Variants in STK32B observed in about 807,000 individuals in gnomAD.
STK32B encodes serine/threonine-protein kinase 32B.
A neutral mutation model predicts 52.6 loss-of-function variants in STK32B; 43 were observed. That is an observed-to-expected ratio of 0.82 (90% CI 0.64 to 1.05). STK32B has a LOEUF of 1.05. STK32B is among the 50% of genes least tolerant of loss of function. The probability of loss-of-function intolerance (pLI) is 0.00; values close to 1 mark genes in which losing one functional copy is unlikely to be tolerated. For synonymous variants in STK32B, 238 were observed against 204.3 expected (o/e 1.17, Z -1.41); for missense variants, 621 against 534.6 (o/e 1.16, Z -1.59).
At chr4:5,053,025 C>T (rs895880325) in intron 1 of STK32B, among the ~76,000 whole-genome samples, 2 of 152,192 alleles carry the variant, frequency 1.3e-5, no homozygotes, top group African/African-American at 2.4e-5. Flanking sequence ...GTCATCATTA[C>T]CCAGGGCACT....
chr4:5,204,435 T>G (rs945370723), intron 3 of STK32B, among the ~76,000 whole-genome samples: 1 of 125,206 alleles, frequency 8.0e-6, no homozygotes, highest in Non-Finnish European at 1.8e-5. Flanking sequence ...AGGTTTTTTT[T>G]GTTTGTTTTT....
intron 1 of STK32B, among the ~76,000 whole-genome samples, chr4:5,099,432 C>G (rs1477593157): frequency 1.4e-5 from 2 of 138,758 alleles, no homozygotes; most frequent in Non-Finnish European, 3.2e-5. Context: ...CTGCAGTCCT[C>G]TGTGTGTGTG....
At chr4:5,441,527 T>A (rs201778579) in intron 6 of STK32B, among the ~76,000 whole-genome samples, 9,418 of 144,362 alleles carry the variant, frequency 0.065, 456 homozygotes, top group East Asian at 0.3. Context: ...GCAGTCTATC[T>A]ATTTTGTTGA....
chr4:5,123,803 T>A (rs1025350902), intron 1 of STK32B, among the ~76,000 whole-genome samples: 3 of 151,722 alleles, frequency 2.0e-5, no homozygotes, highest in African/African-American at 7.3e-5. Flanking sequence ...ATTCAGCACA[T>A]GAGTTTTGGG....
At chr4:5,094,011 C>T (rs1444419153) in intron 1 of STK32B, among the ~76,000 whole-genome samples, 1 of 152,138 alleles carries the variant, frequency 6.6e-6, no homozygotes, top group Non-Finnish European at 1.5e-5. Flanking sequence ...AAAATGAATC[C>T]ACGATAAAGA....
chr4:5,136,734 A>G (rs1413906202), intron 1 of STK32B, among the ~76,000 whole-genome samples: 2 of 152,182 alleles, frequency 1.3e-5, no homozygotes, highest in Non-Finnish European at 2.9e-5. Flanking sequence ...ATTTTCATTG[A>G]CTGAAGCCAT....
chr4:5,091,865 G>T (rs1713096493), intron 1 of STK32B, among the ~76,000 whole-genome samples: 1 of 152,294 alleles, frequency 6.6e-6, no homozygotes, highest in South Asian at 2.1e-4. Context: ...ATATTTTTGA[G>T]CCATAAGAGG....
intron 11 of STK32B, among the ~76,000 whole-genome samples, chr4:5,493,404 T>G (rs1320150191): frequency 1.3e-5 from 2 of 152,204 alleles, no homozygotes; most frequent in Admixed American, 6.5e-5. Context: ...TAGTTTGTAT[T>G]TCTGTGGGAT....
At chr4:5,173,387 T>G (rs1719556994) in intron 3 of STK32B, among the ~76,000 whole-genome samples, 1 of 152,120 alleles carries the variant, frequency 6.6e-6, no homozygotes, top group Admixed American at 6.6e-5. Flanking sequence ...TTCTTTTAAT[T>G]GTGATGTTAG....
At chr4:5,397,073 C>T (rs370844032) in intron 4 of STK32B, among the ~76,000 whole-genome samples, 10 of 152,156 alleles carry the variant, frequency 6.6e-5, no homozygotes, top group Non-Finnish European at 1.3e-4. Context: ...TCCCCAAACC[C>T]GTAGATATTG....
chr4:5,253,309 C>T (rs1485411287), intron 3 of STK32B, among the ~76,000 whole-genome samples: 1 of 152,084 alleles, frequency 6.6e-6, no homozygotes, highest in African/African-American at 2.4e-5. Context: ...AGGTGTTGTT[C>T]TTGGGCAAAG....
intron 3 of STK32B, among the ~76,000 whole-genome samples, chr4:5,212,168 C>G (rs981753306): frequency 3.3e-5 from 5 of 152,130 alleles, no homozygotes; most frequent in African/African-American, 9.7e-5. Flanking sequence ...ATGTTTTATA[C>G]AGGCCATCAT....
chr4:5,422,561 G>A (rs1217877189), intron 6 of STK32B, among the ~76,000 whole-genome samples: 4 of 152,214 alleles, frequency 2.6e-5, no homozygotes, highest in South Asian at 2.1e-4. Context: ...TTAGAAGTCA[G>A]AATGTTCCAG....
intron 3 of STK32B, among the ~76,000 whole-genome samples, chr4:5,241,677 T>C (rs1459214363): frequency 6.6e-6 from 1 of 152,144 alleles, no homozygotes; most frequent in Non-Finnish European, 1.5e-5. Flanking sequence ...CTGCACCCAT[T>C]AACTCATCAT....
intron 6 of STK32B, among the ~76,000 whole-genome samples, chr4:5,428,041 ATTTTG>A (rs1159122963): frequency 1.3e-5 from 2 of 152,064 alleles, no homozygotes; most frequent in East Asian, 1.9e-4. Context: ...AATGCTATAA[ATTTTG>A]TTTTAAGTCC....
At chr4:5,457,562 G>C (rs1716661641) in intron 8 of STK32B, among the ~76,000 whole-genome samples, 1 of 151,088 alleles carries the variant, frequency 6.6e-6, no homozygotes, top group Non-Finnish European at 1.5e-5. Context: ...TTCACTCAAT[G>C]ACCTTTAAGA....
chr4:5,158,485 G>GTTTA (rs1718043119), intron 2 of STK32B, among the ~76,000 whole-genome samples: 1 of 152,112 alleles, frequency 6.6e-6, no homozygotes, highest in African/African-American at 2.4e-5. Flanking sequence ...CACGTTGTTT[G>GTTTA]TTTATTCCTT....
chr4:5,276,126 TAAA>T (rs914476073), intron 3 of STK32B, among the ~76,000 whole-genome samples: 21 of 151,912 alleles, frequency 1.4e-4, no homozygotes, highest in African/African-American at 4.8e-4. Context: ...CCATCTCTAC[TAAA>T]AACACAAAAA....
At chr4:5,298,374 G>A (rs1261872252) in intron 3 of STK32B, among the ~76,000 whole-genome samples, 1 of 152,196 alleles carries the variant, frequency 6.6e-6, no homozygotes, top group African/African-American at 2.4e-5. Flanking sequence ...GTCTGCTGAA[G>A]TTGCGCCCAT....
Sources: gnomAD v4.1 joint callset for allele counts (sites outside exome capture counted in the v4.1 genomes callset) on GRCh38, gnomAD v4.1.1 for gene constraint, MANE v1.5 for transcripts, NCBI Gene and HGNC (gene_info 2026-07-23, HGNC 2026-07-21) for gene names.